UBE3D: variants seen among roughly 807,000 people sequenced by gnomAD.
UBE3D encodes the protein ubiquitin protein ligase E3D, also known as E3 ubiquitin-protein ligase E3D.
A neutral mutation model predicts 49.6 loss-of-function variants in UBE3D; 48 were observed. The observed-to-expected ratio is 0.97, with a 90% CI of 0.77 to 1.23. The LOEUF (loss-of-function observed/expected upper bound fraction) is 1.23. Among genes scored for constraint, UBE3D ranks in the 50% most tolerant of loss-of-function variants. The pLI is 0.00. For missense variants in UBE3D, 452 were observed against 468.4 expected (o/e 0.96, Z 0.32); for synonymous variants, 189 against 174.2 (o/e 1.08, Z -0.67).
chr6:82,970,065 G>T (rs1187502886), intron 8 of UBE3D, among the ~76,000 whole-genome samples: 2 of 147,718 alleles, frequency 1.4e-5, no homozygotes, highest in African/African-American at 2.5e-5. Context: ...AATAGAACAT[G>T]ATATACTATT....
intron 9 of UBE3D, among the ~76,000 whole-genome samples, chr6:82,893,470 T>G (rs1001915966): frequency 3.3e-5 from 5 of 152,172 alleles, no homozygotes; most frequent in African/African-American, 1.2e-4. Context: ...TCACTTATAT[T>G]GGTTGGTCAG....
intron 8 of UBE3D, among the ~76,000 whole-genome samples, chr6:82,987,372 T>C (rs964222784): frequency 2.0e-5 from 3 of 152,160 alleles, no homozygotes; most frequent in African/African-American, 7.2e-5. Flanking sequence ...TGGATGCTTT[T>C]GGATTTTCTT....
At chr6:82,889,275 G>C (rs1770939907), downstream of UBE3D, among the ~76,000 whole-genome samples, 1 of 152,190 alleles carries the variant, frequency 6.6e-6, no homozygotes, top group African/African-American at 2.4e-5. Context: ...ACAGCAACTA[G>C]GCTGGCTTTA....
downstream of UBE3D, among the ~76,000 whole-genome samples, chr6:82,887,613 G>GC (rs1233808447): frequency 4.0e-5 from 6 of 151,278 alleles, no homozygotes; most frequent in African/African-American, 1.5e-4. Flanking sequence ...GGAGGCTGAG[G>GC]CAAGAGAATC....
chr6:83,013,582 T>G (rs1471294624), intron 8 of UBE3D, among the ~76,000 whole-genome samples: 1 of 152,138 alleles, frequency 6.6e-6, no homozygotes, highest in Non-Finnish European at 1.5e-5. Context: ...CACACCCAAA[T>G]GAGGGATGTG....
At chr6:82,987,776 T>A (rs191629906) in intron 8 of UBE3D, among the ~76,000 whole-genome samples, 24 of 152,336 alleles carry the variant, frequency 1.6e-4, no homozygotes, top group Admixed American at 1.5e-3. Context: ...ACAAGAATGC[T>A]CACTGCTGTA....
chr6:83,040,541 C>G (rs1018285674), intron 4 of UBE3D, among the ~76,000 whole-genome samples: 1 of 152,160 alleles, frequency 6.6e-6, no homozygotes, highest in Non-Finnish European at 1.5e-5. Context: ...ATGCCTACAG[C>G]TCTTCTATTT....
At chr6:82,885,650 A>G in the UBE3D span, among the ~76,000 whole-genome samples, 2 of 152,160 alleles carry the variant, frequency 1.3e-5, no homozygotes, top group African/African-American at 4.8e-5. Flanking sequence ...GAGCTCAAAA[A>G]GCCCTCAAGG....
chr6:82,998,668 A>G (rs919392510), intron 8 of UBE3D, among the ~76,000 whole-genome samples: 1 of 152,204 alleles, frequency 6.6e-6, no homozygotes, highest in Non-Finnish European at 1.5e-5. Context: ...AGAAGCTTCA[A>G]ATATATAATT....
intron 5 of UBE3D, chr6:83,032,292 T>C (rs993321812): frequency 1.1e-5 from 5 of 455,044 alleles, no homozygotes; most frequent in African/African-American, 1.0e-4. Flanking sequence ...AGCCCACCTC[T>C]TGCATCAGCA....
In UBE3D at chr6:82,897,013, A is replaced by G. The variant is rs1419798095; in HGVS notation, c.1150-3971T>C. ...CCCGGCCTCCCAAAGTGCTGGGATT[A>G]CAGGCATCAGCCACTCTGCCTGGCC... On this transcript the variant is annotated intron_variant, in intron 9 of 9. Coordinates refer to ENST00000369747, the MANE Select transcript of UBE3D (RefSeq NM_198920.3). 2.0e-4 allele frequency among the ~76,000 whole-genome samples: 31 copies of G among 151,978 alleles called. 1 individual carries two copies. Among genetic ancestry groups the G allele is most frequent in the Admixed American group, 2.0e-3 (31 of 15,252 alleles).
chr6:82,970,738 C>G (rs1777291373), intron 8 of UBE3D, among the ~76,000 whole-genome samples: 1 of 152,066 alleles, frequency 6.6e-6, no homozygotes, highest in Admixed American at 6.6e-5. Flanking sequence ...ACTCGGGAGG[C>G]TGAGGCAGGA....
intron 9 of UBE3D, among the ~76,000 whole-genome samples, chr6:82,939,561 A>G (rs1193772018): frequency 6.6e-6 from 1 of 152,222 alleles, no homozygotes; most frequent in Non-Finnish European, 1.5e-5. Flanking sequence ...TTGATACACA[A>G]ATACTTACCA....
the UBE3D span, among the ~76,000 whole-genome samples, chr6:82,884,866 C>T: frequency 5.3e-5 from 8 of 152,226 alleles, no homozygotes; most frequent in Middle Eastern, 3.4e-3. Context: ...AAAAGATTCC[C>T]GGTACTTTTG....
chr6:82,888,630 C>T (rs967460447), downstream of UBE3D, among the ~76,000 whole-genome samples: 2 of 152,112 alleles, frequency 1.3e-5, no homozygotes, highest in African/African-American at 4.8e-5. Context: ...ACAAATCCTG[C>T]CCTCTGCTTA....
At chr6:82,953,314 C>T (rs1193727875) in intron 9 of UBE3D, among the ~76,000 whole-genome samples, 4 of 152,204 alleles carry the variant, frequency 2.6e-5, no homozygotes, top group African/African-American at 7.2e-5. Context: ...ATATATTGAT[C>T]ACTTTGCTTA....
intron 1 of UBE3D, among the ~76,000 whole-genome samples, chr6:83,060,427 T>C (rs1215214138): frequency 6.6e-6 from 1 of 152,190 alleles, no homozygotes; most frequent in Non-Finnish European, 1.5e-5. Flanking sequence ...AAGTCATGGT[T>C]TTCAATGTTT....
At chr6:82,958,043 T>C (rs978221060) in intron 8 of UBE3D, among the ~76,000 whole-genome samples, 32 of 152,180 alleles carry the variant, frequency 2.1e-4, no homozygotes, top group African/African-American at 7.5e-4. Flanking sequence ...CCTCCCTTCA[T>C]CTTCCAGAGT....
chr6:82,913,522 A>G (rs931540390), intron 9 of UBE3D, among the ~76,000 whole-genome samples: 3 of 152,174 alleles, frequency 2.0e-5, no homozygotes, highest in Non-Finnish European at 2.9e-5. Context: ...ATCTCCATAG[A>G]TGCCCCTTTA....
Sources: gnomAD v4.1 joint callset for allele counts (sites outside exome capture counted in the v4.1 genomes callset) on GRCh38, gnomAD v4.1.1 for gene constraint, MANE v1.5 for transcripts, NCBI Gene and HGNC (gene_info 2026-07-23, HGNC 2026-07-21) for gene names.